The following LLGL2 variants were observed in gnomAD, a reference collection of about 807,000 sequenced individuals.
LLGL2 encodes LLGL2, scribble cell polarity complex component.
In LLGL2, 81 loss-of-function variants were observed where a neutral mutation model predicts 123.2. That is an observed-to-expected ratio of 0.66 (90% CI 0.55 to 0.79). The LOEUF (loss-of-function observed/expected upper bound fraction) is 0.79. Among genes scored for constraint, LLGL2 ranks in the 30% least tolerant of loss-of-function variants. The probability of loss-of-function intolerance (pLI) is 0.00; values close to 1 mark genes in which losing one functional copy is unlikely to be tolerated. For missense variants in LLGL2, 1,273 were observed against 1,414.6 expected (o/e 0.90, Z 1.61); for synonymous variants, 577 against 594.1 (o/e 0.97, Z 0.42).
At chr17:75,555,043 G>C (rs2054843461) in intron 2 of LLGL2, among the ~76,000 whole-genome samples, 1 of 151,084 alleles carries the variant, frequency 6.6e-6, no homozygotes, top group East Asian at 2.0e-4. Context: ...CAGGCATGGT[G>C]GTGGGCACCT....
Position 75,573,627 on chromosome 17 carries a change from G to C in LLGL2, c.2872G>C (p.Ala958Pro). The C allele has an allele frequency of 6.2e-7, 1 of 1,607,856 alleles. No individual in the cohort carries two copies. The highest frequency in any genetic ancestry group is 1.7e-4 in the Middle Eastern group (1 of 6,030). Residue 958 changes from alanine (A) to proline (P), a missense_variant, in exon 21 of 26, where the codon GCC becomes CCC. Physicochemically the swap from Ala to Pro is conservative, Grantham distance 27. Coordinates refer to ENST00000392550, the MANE Select transcript of LLGL2 (RefSeq NM_001031803.2). ...GAGPKKAPSR[A>P]RNSGTQSDGE... ...GGGCCCCAAGAAGGCCCCGAGCCGA[G>C]CCAGGTGAGTGAAAGGGCCAGAGGC...
chr17:75,558,496 C>T lies in LLGL2; in HGVS notation c.256-16C>T, dbSNP rs1249847437. 5.1e-6 allele frequency: 8 copies of T among 1,563,912 alleles called. No homozygotes were observed. Among genetic ancestry groups the T allele is most frequent in the African/African-American group, 2.7e-5 (2 of 73,474 alleles). ...GGGTAGCAAGACCACATGATCCCGTCGTGTGCCCTCGCCAGTGCCAGCTGG... is the reference window on the plus strand; with the variant it reads ...GGGTAGCAAGACCACATGATCCCGTTGTGTGCCCTCGCCAGTGCCAGCTGG... On this transcript the variant is annotated splice_polypyrimidine_tract_variant and intron_variant, in intron 4 of 25. Coordinates refer to ENST00000392550, the MANE Select transcript of LLGL2 (RefSeq NM_001031803.2). This position sits in a 1 kb window ranked among gnomAD's most constrained non-coding sequence, Gnocchi z 4.0.
At chr17:75,533,160 C>T (rs140238299) in intron 1 of LLGL2, among the ~76,000 whole-genome samples, 4,274 of 151,478 alleles carry the variant, frequency 0.028, 67 homozygotes, top group Middle Eastern at 0.12. Flanking sequence ...CCACCACGCC[C>T]GGCTAATTGT....
At chr17:75,531,950 T>C (rs1210147672) in intron 1 of LLGL2, among the ~76,000 whole-genome samples, 1 of 152,028 alleles carries the variant, frequency 6.6e-6, no homozygotes, top group Non-Finnish European at 1.5e-5. Flanking sequence ...CGGCAGAGAC[T>C]GGAGCCTTCT....
intron 2 of LLGL2, 91 bp downstream of exon 2, chr17:75,543,592 A>AC: frequency 9.9e-7 from 1 of 1,006,022 alleles, no homozygotes; most frequent in Non-Finnish European, 1.5e-6. Flanking sequence ...GGATTAAGGT[A>AC]TAGCTCTTAT....
At chr17:75,573,782 T>C in intron 21 of LLGL2, 151 bp downstream of exon 21, 2 of 1,195,410 alleles carry the variant, frequency 1.7e-6, no homozygotes, top group South Asian at 2.9e-5. Flanking sequence ...CCTCTTTGCG[T>C]GCCCCTTGCC....
intron 2 of LLGL2, among the ~76,000 whole-genome samples, chr17:75,547,003 TG>T (rs1367686152): frequency 3.9e-5 from 6 of 152,230 alleles, no homozygotes; most frequent in Non-Finnish European, 7.4e-5. Context: ...AAGGCCAGTC[TG>T]CTGGGTACTG....
intron 23 of LLGL2, 43 bp downstream of exon 23, chr17:75,574,303 G>GA: frequency 1.9e-5 from 10 of 513,418 alleles, no homozygotes; most frequent in Middle Eastern, 6.6e-4. Flanking sequence ...GAGGGGTGGG[G>GA]AAGGGGGGTC....
In LLGL2 at chr17:75,559,877, C is replaced by T. The variant is rs1313154464; in HGVS notation, c.530+467C>T. Among the ~76,000 whole-genome samples, 1 of 152,168 alleles carries T rather than the reference C, an allele frequency of 6.6e-6. No homozygotes were observed. The highest frequency in any genetic ancestry group is 2.4e-5 in the African/African-American group (1 of 41,434). ...CACAGGCATGTGGGTCTGTTGAGAT[C>T]GTTTCAGAAGCTTTGCTCCTTGTTG... On this transcript the variant is annotated intron_variant, in intron 6 of 25. Coordinates refer to ENST00000392550, the MANE Select transcript of LLGL2 (RefSeq NM_001031803.2). The surrounding 1 kb of genome is among the most constrained non-coding windows in gnomAD (Gnocchi z 4.6).
intron 6 of LLGL2, among the ~76,000 whole-genome samples, chr17:75,562,081 A>G (rs1049145196): frequency 1.3e-5 from 2 of 152,218 alleles, no homozygotes; most frequent in Admixed American, 1.3e-4. Flanking sequence ...GGCTGGGTCC[A>G]CTTCCCACAT....
At chr17:75,566,590 G>T (rs1436316261) in intron 10 of LLGL2, among the ~76,000 whole-genome samples, 2 of 152,226 alleles carry the variant, frequency 1.3e-5, no homozygotes, top group African/African-American at 4.8e-5. Flanking sequence ...AACACAAGGG[G>T]CGTATCCGTG....
At position 75,542,413 on chromosome 17, in the gene LLGL2, C is replaced by T. The variant is rs560700780; in HGVS notation, c.-30-984C>T. ...CTTCCCCCATCCTGCTGGGAGTGGA[C>T]GGAGCTGTGCCCAGGGTCTGTGTTT... On this transcript the variant is annotated intron_variant, in intron 1 of 25. Transcript: ENST00000392550. Among the ~76,000 whole-genome samples the T allele has an allele frequency of 3.9e-5, 6 of 152,050 alleles. No homozygotes were observed. The South Asian group carries it at 8.3e-4, about 21-fold the overall frequency.
At chr17:75,548,014 G>A (rs1238900108) in intron 2 of LLGL2, among the ~76,000 whole-genome samples, 10 of 152,110 alleles carry the variant, frequency 6.6e-5, no homozygotes, top group Non-Finnish European at 1.0e-4. Context: ...TCTGATATCC[G>A]AAATGCTCCA....
At position 75,559,262 on chromosome 17, in the gene LLGL2, A is replaced by C. The variant is rs1568053177; in HGVS notation, c.382A>C (p.Ser128Arg). The C allele has an allele frequency of 5.0e-6, 8 of 1,604,890 alleles. No homozygotes were observed. Among genetic ancestry groups the C allele is most frequent in the Non-Finnish European group, 6.8e-6 (8 of 1,176,064 alleles). Residue 128 changes from serine (S) to arginine (R), a missense_variant, in exon 6 of 26, where the codon AGT becomes CGT. Ser to Arg is a moderately radical substitution (Grantham distance 110, BLOSUM62 -1). Coordinates refer to ENST00000392550, the MANE Select transcript of LLGL2 (RefSeq NM_001031803.2). This position sits in a 1 kb window ranked among gnomAD's most constrained non-coding sequence, Gnocchi z 4.6. ...CTGTTCTTGTCACAGGGCTGCCCCCAGTGCCACACAGATCACCGTGGTCCT... is the reference window on the plus strand; with the variant it reads ...CTGTTCTTGTCACAGGGCTGCCCCCCGTGCCACACAGATCACCGTGGTCCT... The part of the protein sequence containing the change: ...TLRGPPGAAP[S>R]ATQITVVLPH...
chr17:75,525,181 GCCCCCCCGCACC>G (rs1317876697), upstream of LLGL2: 3 of 151,110 alleles, frequency 2.0e-5, no homozygotes, highest in South Asian at 4.2e-4. This position sits in a 1 kb window ranked among gnomAD's most constrained non-coding sequence, Gnocchi z 4.8. Flanking sequence ...GGAGGTGGGC[GCCCCCCCGCACC>G]CCCCCCCGAG....
chr17:75,568,565 C>T lies in LLGL2; in HGVS notation c.1126C>T (p.Leu376=). ...LQTAGWPPVQ[L]PYLASLHCSA... ...GACAGCAGGCTGGCCACCGGTCCAGCTGCCCTACCTGGCTTCTCTGCACTG... is the reference window on the plus strand; with the variant it reads ...GACAGCAGGCTGGCCACCGGTCCAGTTGCCCTACCTGGCTTCTCTGCACTG... Residue 376 remains leucine (L), a synonymous_variant, in exon 11 of 26, where the codon CTG becomes TTG. Transcript: ENST00000392550. 1 of 1,613,872 alleles carries T rather than the reference C, an allele frequency of 6.2e-7. No homozygotes were observed.
chr17:75,574,668 G>A lies in LLGL2; in HGVS notation c.3055G>A (p.Ala1019Thr), dbSNP rs1194967982. ...GGGGTGCAGCCTCAGCAATGGCGGA[G>A]GTGGGGGCTCTGGGCTTGAGTGCAG... Reference protein sequence around the residue: ...AVGCSLSNGGAE With the variant: ...AVGCSLSNGGTE The change falls in exon 25 of 26, where the codon GCA becomes ACA. Residue 1019 changes from alanine to threonine, a missense_variant and splice_region_variant. By Grantham distance (58) the Ala-to-Thr change is moderately conservative. Coordinates refer to ENST00000392550, the MANE Select transcript of LLGL2 (RefSeq NM_001031803.2). 1 of 1,611,158 alleles carries A rather than the reference G, an allele frequency of 6.2e-7. No homozygotes were observed. The highest frequency in any genetic ancestry group is 2.2e-5 in the East Asian group (1 of 44,860).
chr17:75,565,525 A>G (rs1221839475), intron 10 of LLGL2, among the ~76,000 whole-genome samples: 1 of 152,032 alleles, frequency 6.6e-6, no homozygotes, highest in Non-Finnish European at 1.5e-5. Context: ...TGCTCTTTCC[A>G]CAACATTTGG....
Position 75,559,180 on chromosome 17 carries a change from T to G in LLGL2, c.372-72T>G, listed in dbSNP as rs1043893915. 3 of 1,455,856 alleles carry G rather than the reference T, an allele frequency of 2.1e-6. No individual in the cohort carries two copies. In the African/African-American group the frequency reaches 4.3e-5, roughly 21 times the overall value. The allele number at this position is 1,455,856 out of a possible 1,614,324, so 90.2% of individuals were successfully genotyped here. On this transcript the variant is annotated intron_variant, in intron 5 of 25. Transcript: ENST00000392550. This position sits in a 1 kb window ranked among gnomAD's most constrained non-coding sequence, Gnocchi z 4.6. The stretch of plus-strand genomic sequence containing the variant: ...CCTTATGGGCTTGTTTTCCGAGGAG[T>G]CAGGGGACCCCGTCCATGGCATCTC...
Sources: allele counts gnomAD v4.1 joint callset (sites outside exome capture counted in the v4.1 genomes callset), GRCh38; gene constraint gnomAD v4.1.1; non-coding constraint Gnocchi (gnomAD v3.1); transcripts MANE v1.5; gene names NCBI Gene and HGNC (gene_info 2026-07-23, HGNC 2026-07-21).